Variants in KATNIP observed in about 807,000 individuals in gnomAD.
KATNIP encodes katanin interacting protein.
KATNIP carries 126 observed loss-of-function variants against 174.0 expected under a neutral mutation model. The ratio of observed to expected loss-of-function variants is 0.72; its 90% CI spans 0.63 to 0.84. The LOEUF (loss-of-function observed/expected upper bound fraction) is 0.84, where lower values mean the gene tolerates loss of function less well. Ranked by LOEUF, KATNIP falls within the 40% of genes least tolerant of loss-of-function variation. The probability of loss-of-function intolerance (pLI) is 0.00; values close to 1 mark genes in which losing one functional copy is unlikely to be tolerated. For synonymous variants in KATNIP, 810 were observed against 835.7 expected (o/e 0.97, Z 0.53); for missense variants, 1,958 against 2,109.7 (o/e 0.93, Z 1.41).
intron 11 of KATNIP, among the ~76,000 whole-genome samples, chr16:27,702,323 C>T (rs1002365031): frequency 3.3e-5 from 5 of 152,218 alleles, no homozygotes; most frequent in Non-Finnish European, 7.3e-5. Flanking sequence ...TCCTTCGAAG[C>T]TCCTTTTCTC....
chr16:27,595,237 G>T (rs1429673722), intron 2 of KATNIP, among the ~76,000 whole-genome samples: 3 of 152,224 alleles, frequency 2.0e-5, no homozygotes, highest in African/African-American at 7.2e-5. Context: ...TACAGAAAAA[G>T]TTAGCTGGAT....
At chr16:27,726,433 G>A in intron 14 of KATNIP, among the ~76,000 whole-genome samples, 1 of 152,158 alleles carries the variant, frequency 6.6e-6, no homozygotes, top group East Asian at 1.9e-4. Context: ...TTCACAAGCA[G>A]CTAGTGCCAC....
intron 13 of KATNIP, among the ~76,000 whole-genome samples, chr16:27,709,873 G>A (rs2079495414): frequency 6.6e-6 from 1 of 152,156 alleles, no homozygotes; most frequent in South Asian, 2.1e-4. Context: ...GTTAATGGAT[G>A]TTCTTTGTAG....
At chr16:27,552,377 CTTTTTTT>C (rs1167836198) in intron 1 of KATNIP, among the ~76,000 whole-genome samples, 173 of 135,078 alleles carry the variant, frequency 1.3e-3, no homozygotes, top group African/African-American at 4.2e-3. Context: ...TTTCTTTTTT[CTTTTTTT>C]TTTTTTTTTT....
chr16:27,776,376 G>T lies in KATNIP; in HGVS notation c.4450-552G>T, dbSNP rs2082498517. Among the ~76,000 whole-genome samples the T allele has an allele frequency of 6.6e-6, 1 of 152,132 alleles. No individual in the cohort carries two copies. Among genetic ancestry groups the T allele is most frequent in the Non-Finnish European group, 1.5e-5 (1 of 68,022 alleles). Reference sequence around the variant, plus strand: ...GGGAGAGGGAGGGCTGTTTGAGGCTGCTCCGTCCCACTTTTCCCACTGGAT... The same window carrying T: ...GGGAGAGGGAGGGCTGTTTGAGGCTTCTCCGTCCCACTTTTCCCACTGGAT... On this transcript the variant is annotated intron_variant, in intron 24 of 27. Coordinates refer to ENST00000261588, the MANE Select transcript of KATNIP (RefSeq NM_015202.5). The surrounding 1 kb of genome is among the most constrained non-coding windows in gnomAD (Gnocchi z 4.7).
chr16:27,764,493 T>G (rs1043518793), intron 19 of KATNIP, among the ~76,000 whole-genome samples: 4 of 152,258 alleles, frequency 2.6e-5, no homozygotes, highest in African/African-American at 9.6e-5. Context: ...TTATTTCTTG[T>G]CCCAGACCTG....
intron 10 of KATNIP, among the ~76,000 whole-genome samples, chr16:27,700,168 TC>T (rs1231735803): frequency 9.9e-5 from 15 of 152,032 alleles, no homozygotes; most frequent in African/African-American, 3.6e-4. Context: ...CGCCTCAGCC[TC>T]CCAAAGTGCT....
At chr16:27,581,871 T>C (rs1437388193) in intron 2 of KATNIP, among the ~76,000 whole-genome samples, 1 of 152,230 alleles carries the variant, frequency 6.6e-6, no homozygotes. Context: ...AGTTACTTCA[T>C]TTAGAATAAT....
chr16:27,761,539 G>A lies in KATNIP; in HGVS notation c.3758G>A (p.Arg1253Lys), dbSNP rs749158965. The change falls in exon 19 of 28, where the codon AGA becomes AAA. Residue 1253 changes from arginine to lysine, a missense_variant. Arg to Lys is a conservative substitution (Grantham distance 26). Transcript: ENST00000261588. ...IHLHQISASP[R>K]DLNELPEYSD... The stretch of plus-strand genomic sequence containing the variant: ...CTGCACCAGATCTCTGCTTCCCCCA[G>A]AGACTTAAATGAGCTCCCCGAGTAC... 7 of 1,614,114 alleles carry A rather than the reference G, an allele frequency of 4.3e-6. No individual in the cohort carries two copies. In the South Asian group the frequency reaches 7.7e-5, roughly 18 times the overall value.
chr16:27,709,647 T>A (rs1003602219), intron 13 of KATNIP, among the ~76,000 whole-genome samples: 2 of 150,836 alleles, frequency 1.3e-5, no homozygotes, highest in Admixed American at 6.6e-5. Flanking sequence ...TCAAAAAAAA[T>A]AAATAAGATA....
In KATNIP at chr16:27,776,990, T is replaced by C; in HGVS notation, c.4512T>C (p.Asn1504=). The change falls in exon 25 of 28, where the codon AAT becomes AAC. Residue 1504 remains asparagine (N), a synonymous_variant. Coordinates refer to ENST00000261588, the MANE Select transcript of KATNIP (RefSeq NM_015202.5). The surrounding 1 kb of genome is among the most constrained non-coding windows in gnomAD (Gnocchi z 4.7). ...PTTVSMIKLW[N]YAKTPHRGVK... is the part of the protein sequence containing the mutation. ...CCGTGTCAATGATCAAACTGTGGAA[T>C]TATGCGAAAACACCCCATCGAGGGG... The C allele has an allele frequency of 3.1e-6, 5 of 1,614,018 alleles. No individual in the cohort carries two copies. The highest frequency in any genetic ancestry group is 4.2e-6 in the Non-Finnish European group (5 of 1,179,842).
Position 27,777,980 on chromosome 16 carries a change from T to C in KATNIP, c.4801+11T>C. 6.2e-7 allele frequency: 1 copy of C among 1,612,816 alleles called. No individual in the cohort carries two copies. Among genetic ancestry groups the C allele is most frequent in the Non-Finnish European group, 8.5e-7 (1 of 1,178,938 alleles). The stretch of plus-strand genomic sequence containing the variant: ...GCGTTGTTGACCCAGGTCAGTGGCG[T>C]TTCTCTGCCCAGAGCATTGTGCCTT... On this transcript the variant is annotated intron_variant, in intron 27 of 27. Coordinates refer to ENST00000261588, the MANE Select transcript of KATNIP (RefSeq NM_015202.5). This position sits in a 1 kb window ranked among gnomAD's most constrained non-coding sequence, Gnocchi z 4.4.
intron 2 of KATNIP, among the ~76,000 whole-genome samples, chr16:27,592,956 T>G (rs2075224961): frequency 1.3e-5 from 2 of 152,218 alleles, no homozygotes; most frequent in African/African-American, 4.8e-5. Flanking sequence ...GAAGGGGAAC[T>G]TCATTACTTT....
intron 2 of KATNIP, among the ~76,000 whole-genome samples, chr16:27,597,406 T>A (rs1325042326): frequency 1.3e-4 from 2 of 14,932 alleles, no homozygotes; most frequent in Non-Finnish European, 3.1e-4. Flanking sequence ...TCTTTTCTTT[T>A]TTTTTTTTTT....
chr16:27,725,519 G>A (rs1215745765), intron 14 of KATNIP, among the ~76,000 whole-genome samples: 2 of 152,198 alleles, frequency 1.3e-5, no homozygotes, highest in Non-Finnish European at 2.9e-5. Flanking sequence ...CAGATTAAGT[G>A]ACTTGCCCAG....
chr16:27,673,713 T>C (rs2078006179), intron 6 of KATNIP, among the ~76,000 whole-genome samples: 1 of 152,186 alleles, frequency 6.6e-6, no homozygotes, highest in Non-Finnish European at 1.5e-5. Context: ...CCCCTGGAGT[T>C]GGGTGGGGGG....
chr16:27,710,487 C>G (rs1158837134), intron 13 of KATNIP, among the ~76,000 whole-genome samples: 2 of 152,186 alleles, frequency 1.3e-5, no homozygotes, highest in African/African-American at 4.8e-5. Flanking sequence ...GTAGCAGCCA[C>G]GTCATCTTTG....
At chr16:27,621,917 G>A (rs573697566) in intron 3 of KATNIP, among the ~76,000 whole-genome samples, 4 of 151,864 alleles carry the variant, frequency 2.6e-5, no homozygotes, top group Non-Finnish European at 4.4e-5. Flanking sequence ...CTCCCACCAG[G>A]TCCTACCTCG....
At chr16:27,674,707 A>G (rs1597136426) in intron 6 of KATNIP, among the ~76,000 whole-genome samples, 1 of 152,296 alleles carries the variant, frequency 6.6e-6, no homozygotes, top group East Asian at 1.9e-4. Context: ...GTAAGGCAGC[A>G]TCTCCTCAGC....
Sources: allele counts gnomAD v4.1 joint callset (sites outside exome capture counted in the v4.1 genomes callset), GRCh38; gene constraint gnomAD v4.1.1; non-coding constraint Gnocchi (gnomAD v3.1); transcripts MANE v1.5; gene names NCBI Gene and HGNC (gene_info 2026-07-23, HGNC 2026-07-21).